Variants in TRHDE observed in about 807,000 individuals in gnomAD.
The protein encoded by TRHDE is thyrotropin-releasing hormone-degrading ectoenzyme.
In TRHDE, 72 loss-of-function variants were observed where a neutral mutation model predicts 125.7. The ratio of observed to expected loss-of-function variants is 0.57; its 90% confidence interval spans 0.47 to 0.70. The LOEUF (loss-of-function observed/expected upper bound fraction) is 0.70. TRHDE is among the 30% of genes least tolerant of loss of function. The probability of loss-of-function intolerance (pLI) is 0.00; values close to 1 mark genes in which losing one functional copy is unlikely to be tolerated. For synonymous variants in TRHDE, 509 were observed against 509.1 expected, an observed-to-expected ratio of 1.00 and a Z score of 0.00; for missense variants, 1,110 against 1,327.1, an observed-to-expected ratio of 0.84 and a Z score of 2.54.
chr12:72,454,833 A>G (rs577940807), intron 3 of TRHDE, among the ~76,000 whole-genome samples: 74 of 152,310 alleles, frequency 4.9e-4, no homozygotes, highest in Non-Finnish European at 9.6e-4. Flanking sequence ...ACCTTGGAGT[A>G]ACAAGGCTAG....
chr12:72,420,626 A>T (rs1290260978), intron 3 of TRHDE, among the ~76,000 whole-genome samples: 1 of 152,148 alleles, frequency 6.6e-6, no homozygotes, highest in East Asian at 1.9e-4. Flanking sequence ...AGGGGATTAA[A>T]TTACCATTGA....
intron 2 of TRHDE, among the ~76,000 whole-genome samples, chr12:72,210,171 GATCTATCT>G (rs3086840): frequency 1.1e-3 from 167 of 146,428 alleles, no homozygotes; most frequent in Middle Eastern, 3.5e-3. Flanking sequence ...CTATAAGATT[GATCTATCT>G]ATCTATCTAT....
At chr12:72,292,073 A>G (rs1880110077) in intron 2 of TRHDE, among the ~76,000 whole-genome samples, 1 of 152,246 alleles carries the variant, frequency 6.6e-6, no homozygotes, top group African/African-American at 2.4e-5. Context: ...TCTCTTTAAG[A>G]TGAACCTTTG....
At chr12:72,622,355 G>A (rs1203106905) in intron 15 of TRHDE, among the ~76,000 whole-genome samples, 1 of 151,940 alleles carries the variant, frequency 6.6e-6, no homozygotes, top group Non-Finnish European at 1.5e-5. Context: ...TTAATGAAAG[G>A]AATACTAAAC....
intron 1 of TRHDE, among the ~76,000 whole-genome samples, chr12:72,274,179 G>T (rs905733244): frequency 6.6e-6 from 1 of 152,172 alleles, no homozygotes; most frequent in Admixed American, 6.5e-5. Context: ...CGGGGGTGGA[G>T]GTTGCCAAGG....
intron 2 of TRHDE, among the ~76,000 whole-genome samples, chr12:72,245,403 A>T (rs889402848): frequency 6.6e-6 from 1 of 152,044 alleles, no homozygotes; most frequent in Non-Finnish European, 1.5e-5. Context: ...CACTTTCCAC[A>T]TACTACTTTT....
chr12:72,224,087 TATCC>T (rs199670198), intron 2 of TRHDE, among the ~76,000 whole-genome samples: 63,809 of 123,094 alleles, frequency 0.52, 14,770 homozygotes, highest in African/African-American at 0.61. Flanking sequence ...TCCATCTATC[TATCC>T]ATCTATCTAT....
chr12:72,650,492 TTCTTGAACATTGA>T (rs1366610370), intron 15 of TRHDE, among the ~76,000 whole-genome samples: 1 of 152,074 alleles, frequency 6.6e-6, no homozygotes, highest in African/African-American at 2.4e-5. Context: ...ATGCCTTTTC[TTCTTGAACATTGA>T]TATTGGAGAT....
intron 2 of TRHDE, chr12:72,254,998 T>G (rs983090046): frequency 1.3e-5 from 2 of 152,312 alleles, no homozygotes; most frequent in African/African-American, 4.8e-5. Context: ...CTCTTGAACC[T>G]TCTTCAGTTA....
In TRHDE at chr12:72,471,651, G is replaced by A. The variant is rs577978442; in HGVS notation, c.1471-1416G>A. Among the ~76,000 whole-genome samples the A allele has an allele frequency of 1.2e-4, 19 of 152,260 alleles. No homozygotes were observed. The South Asian group carries it at 3.9e-3, about 32-fold the overall frequency. Reference sequence around the variant, plus strand: ...TTTGTTGTCACAATTCTGAAGATAGGATTTCAAGTTAAAGGAGAAACATGC... The same window carrying A: ...TTTGTTGTCACAATTCTGAAGATAGAATTTCAAGTTAAAGGAGAAACATGC... On this transcript the variant is annotated intron_variant, in intron 4 of 18. Coordinates refer to ENST00000261180, the MANE Select transcript of TRHDE (RefSeq NM_013381.3).
intron 12 of TRHDE, among the ~76,000 whole-genome samples, chr12:72,604,775 A>T (rs991408774): frequency 6.6e-6 from 1 of 152,030 alleles, no homozygotes; most frequent in African/African-American, 2.4e-5. Flanking sequence ...TACTTCTTAC[A>T]AGTGTTAATG....
chr12:72,385,190 T>C (rs892721641), intron 3 of TRHDE, among the ~76,000 whole-genome samples: 6 of 152,118 alleles, frequency 3.9e-5, no homozygotes, highest in Non-Finnish European at 5.9e-5. Context: ...TTTGGTCTAA[T>C]TTTATATAAT....
chr12:72,642,748 A>G (rs1484412500), intron 15 of TRHDE, among the ~76,000 whole-genome samples: 8 of 152,152 alleles, frequency 5.3e-5, no homozygotes, highest in Non-Finnish European at 8.8e-5. Flanking sequence ...AACAATTTCC[A>G]TGTTCACTAG....
chr12:72,410,291 C>A (rs1459658184), intron 3 of TRHDE, among the ~76,000 whole-genome samples: 2 of 151,990 alleles, frequency 1.3e-5, no homozygotes, highest in African/African-American at 2.4e-5. Context: ...CTGAGTTGAA[C>A]TGGCTTTATT....
At chr12:72,526,079 T>C (rs1199722528) in intron 6 of TRHDE, among the ~76,000 whole-genome samples, 1 of 152,142 alleles carries the variant, frequency 6.6e-6, no homozygotes, top group African/African-American at 2.4e-5. Flanking sequence ...AAAAATTATA[T>C]CTAGTTTTTA....
intron 2 of TRHDE, among the ~76,000 whole-genome samples, chr12:72,202,577 G>A (rs1024165514): frequency 1.3e-5 from 2 of 152,106 alleles, no homozygotes; most frequent in East Asian, 1.9e-4. Context: ...TTTCTGGCTC[G>A]CTATCTCCAC....
At chr12:72,375,993 A>T (rs932414534) in intron 2 of TRHDE, among the ~76,000 whole-genome samples, 13 of 152,158 alleles carry the variant, frequency 8.5e-5, no homozygotes, top group African/African-American at 1.4e-4. Flanking sequence ...CTAACAGCTC[A>T]CACAGGACAT....
intron 2 of TRHDE, among the ~76,000 whole-genome samples, chr12:72,149,042 G>A (rs1409071061): frequency 6.6e-6 from 1 of 152,022 alleles, no homozygotes; most frequent in Non-Finnish European, 1.5e-5. Flanking sequence ...GAATGTTTGA[G>A]TAGAAGCAGT....
Position 72,118,520 on chromosome 12 carries a change from CTG to C in TRHDE, n.279+12772_279+12773del, listed in dbSNP as rs551360538. ...GATATTGGCCAGTAGCTCTTTGTTGCTGTGTCTTTGTCTGTTTTTGGTATCAG... is the reference window on the plus strand; with the variant it reads ...GATATTGGCCAGTAGCTCTTTGTTGCTGTCTTTGTCTGTTTTTGGTATCAG... On this transcript the variant is annotated intron_variant and non_coding_transcript_variant, in intron 2 of 4. Transcript: ENST00000548156. Among the ~76,000 whole-genome samples the C allele has an allele frequency of 1.9e-4, 29 of 152,024 alleles. No homozygotes were observed. The South Asian group carries it at 5.4e-3, about 28-fold the overall frequency.
Sources: allele counts gnomAD v4.1 joint callset (sites outside exome capture counted in the v4.1 genomes callset), GRCh38; gene constraint gnomAD v4.1.1; transcripts MANE v1.5; gene names NCBI Gene and HGNC (gene_info 2026-07-23, HGNC 2026-07-21).